Variants in GAK observed in about 807,000 individuals in gnomAD.
The protein encoded by GAK is cyclin-G-associated kinase.
Under a neutral mutation model 143.9 loss-of-function variants are expected in GAK, and 79 were observed. That is an observed-to-expected ratio of 0.55 (90% CI 0.46 to 0.66). The LOEUF is 0.66. Among genes scored for constraint, GAK ranks in the 30% least tolerant of loss-of-function variants. GAK has a pLI of 0.00. For missense variants in GAK, 1,693 were observed against 1,779.7 expected (o/e 0.95, Z 0.88); for synonymous variants, 881 against 765.5 (o/e 1.15, Z -2.49).
At chr4:886,623 T>C (rs1716388684) in intron 11 of GAK, 1 of 152,272 alleles carries the variant, frequency 6.6e-6, no homozygotes, top group Admixed American at 6.5e-5. Flanking sequence ...ATCCTCTCTG[T>C]CTTGTTTCCA....
intron 5 of GAK, among the ~76,000 whole-genome samples, chr4:902,248 A>AAAAC (rs1560400515): frequency 6.6e-6 from 1 of 151,600 alleles, no homozygotes; most frequent in Non-Finnish European, 1.5e-5. Context: ...AAAAAAAAAA[A>AAAAC]AAACAGAAAT....
chr4:879,424 C>A (rs752248001), intron 15 of GAK, among the ~76,000 whole-genome samples: 2 of 152,132 alleles, frequency 1.3e-5, no homozygotes, highest in African/African-American at 2.4e-5. Flanking sequence ...TTCTTCTTTT[C>A]GCCTTCTCTT....
intron 1 of GAK, among the ~76,000 whole-genome samples, chr4:925,375 A>C (rs112926789): frequency 2.6e-5 from 4 of 152,204 alleles, no homozygotes; most frequent in Non-Finnish European, 5.9e-5. Flanking sequence ...GGATGCGTGT[A>C]GGATGCACGG....
At position 877,119 on chromosome 4, in the gene GAK, A is replaced by T. The variant is rs1714092556; in HGVS notation, c.1945T>A (p.Ser649Thr). ...GCCTGCAGCCGGCCGCCCAGAGTGG[A>T]CCGGGCGTGATAGATGACGATGAGC... ...DVLIVIYHAR[S>T]TLGGRLQAKM... Residue 649 changes from serine to threonine, a missense_variant, in exon 17 of 28, where the codon TCC (serine) becomes ACC (threonine). By Grantham distance (58) the Ser-to-Thr change is moderately conservative. Coordinates refer to ENST00000314167, the MANE Select transcript of GAK (RefSeq NM_005255.4). 6 of 1,613,156 alleles carry T rather than the reference A, an allele frequency of 3.7e-6. No homozygotes were observed. The highest frequency in any genetic ancestry group is 1.3e-5 in the African/African-American group (1 of 75,014).
intron 5 of GAK, among the ~76,000 whole-genome samples, chr4:901,417 C>T (rs562780724): frequency 6.6e-6 from 1 of 152,196 alleles, no homozygotes; most frequent in African/African-American, 2.4e-5. Context: ...TTGGATCCCC[C>T]ACCTAGGGCA....
intron 1 of GAK, among the ~76,000 whole-genome samples, chr4:929,316 G>A (rs1168752844): frequency 6.6e-6 from 1 of 152,226 alleles, no homozygotes; most frequent in Non-Finnish European, 1.5e-5. Flanking sequence ...CACGAGGCGG[G>A]TTACGCTTAA....
At chr4:909,719 G>GA (rs1271424768) in intron 4 of GAK, among the ~76,000 whole-genome samples, 1 of 152,228 alleles carries the variant, frequency 6.6e-6, no homozygotes, top group Non-Finnish European at 1.5e-5. Context: ...TTAGAATGGA[G>GA]AGAGGGAAAG....
At chr4:858,649 G>A (rs1026619970) in intron 24 of GAK, among the ~76,000 whole-genome samples, 3 of 152,186 alleles carry the variant, frequency 2.0e-5, no homozygotes, top group Non-Finnish European at 4.4e-5. Flanking sequence ...ATTCAAAGAC[G>A]AAAAAACTCT....
At position 850,641 on chromosome 4, in the gene GAK, C is replaced by T. The variant is rs915128455; in HGVS notation, c.3657+295G>A. On this transcript the variant is annotated intron_variant, in intron 26 of 27. Coordinates refer to ENST00000314167, the MANE Select transcript of GAK (RefSeq NM_005255.4). The stretch of plus-strand genomic sequence containing the variant: ...CCGGGGCACTCACTCCTGTAACGCC[C>T]GCCCACCCCACCCCCACCAGCGCTG... The T allele has an allele frequency of 9.6e-5, 14 of 145,848 alleles. 1 individual carries two copies. The East Asian group carries it at 1.4e-3, about 15-fold the overall frequency. The allele number at this position is 145,848 out of a possible 1,614,324, so 9.0% of individuals were successfully genotyped here.
chr4:921,426 C>T (rs535514253), intron 1 of GAK, among the ~76,000 whole-genome samples: 4 of 152,184 alleles, frequency 2.6e-5, no homozygotes, highest in Admixed American at 6.5e-5. Context: ...GGCACAGAAG[C>T]AACTCCATGG....
At chr4:900,729 A>G (rs113938421) in intron 5 of GAK, among the ~76,000 whole-genome samples, 2,136 of 152,228 alleles carry the variant, frequency 0.014, 62 homozygotes, top group African/African-American at 0.047. Context: ...CTTGCTTGCA[A>G]CCTTGAAGAA....
chr4:884,033 A>T lies in GAK; in HGVS notation c.1255+4T>A, dbSNP rs1206633834. On this transcript the variant is annotated splice_donor_region_variant and intron_variant, in intron 12 of 27. Coordinates refer to ENST00000314167, the MANE Select transcript of GAK (RefSeq NM_005255.4). ...CGTCCCACAGCCTCATGTGGCACGC[A>T]TACCTGCAATTCTGGATGTGATGTA... 1 of 1,613,476 alleles carries T rather than the reference A, an allele frequency of 6.2e-7. No homozygotes were observed. The highest frequency in any genetic ancestry group is 8.5e-7 in the Non-Finnish European group (1 of 1,179,696).
chr4:867,037 T>C lies in GAK; in HGVS notation c.2791A>G (p.Ser931Gly). Residue 931 changes from serine (S) to glycine (G), a missense_variant, in exon 21 of 28, where the codon AGC (serine) becomes GGC (glycine). Transcript: ENST00000314167. ...CTTGCCAGGAGCAGCGGGTCCTCGCTGAGCAGATCCTCCGGGGGCCCCTGG... is the reference window on the plus strand; with the variant it reads ...CTTGCCAGGAGCAGCGGGTCCTCGCCGAGCAGATCCTCCGGGGGCCCCTGG... ...ASQGPPEDLL[S>G]EDPLLLASPA... is the part of the protein sequence containing the mutation. 1 of 1,515,890 alleles carries C rather than the reference T, an allele frequency of 6.6e-7. No homozygotes were observed. Among genetic ancestry groups the C allele is most frequent in the Non-Finnish European group, 8.8e-7 (1 of 1,132,632 alleles). The allele number at this position is 1,515,890 out of a possible 1,614,324, so 93.9% of individuals were successfully genotyped here. A position where few individuals can be genotyped will look rare whatever the true frequency, so the allele number is the denominator to read the frequency against.
At chr4:883,247 C>G in intron 13 of GAK, 68 bp downstream of exon 13, 1 of 1,570,200 alleles carries the variant, frequency 6.4e-7, no homozygotes. Context: ...AAGCCCTCAG[C>G]TATGCCCCTG....
intron 5 of GAK, among the ~76,000 whole-genome samples, chr4:901,110 T>C (rs892467063): frequency 4.6e-5 from 7 of 152,170 alleles, no homozygotes; most frequent in African/African-American, 9.7e-5. Context: ...TACAGCCAAG[T>C]AGAGAAAAGG....
intron 24 of GAK, chr4:852,370 C>T (rs1409986065): frequency 1.1e-5 from 3 of 269,054 alleles, no homozygotes; most frequent in Non-Finnish European, 2.1e-5. Context: ...ACGTCTGTAG[C>T]GTCCTAGAGG....
At chr4:912,090 G>T in intron 3 of GAK, 1 of 470,988 alleles carries the variant, frequency 2.1e-6, no homozygotes, top group South Asian at 1.5e-5. Flanking sequence ...GGCCCTCAGG[G>T]GGCTGTGCGC....
intron 7 of GAK, among the ~76,000 whole-genome samples, chr4:896,194 C>A (rs746531704): frequency 1.3e-5 from 2 of 152,112 alleles, no homozygotes; most frequent in Non-Finnish European, 2.9e-5. Flanking sequence ...AGCCCAGGGG[C>A]GGGAGGCTGC....
chr4:877,491 C>T, intron 16 of GAK, 124 bp downstream of exon 16: 1 of 1,019,090 alleles, frequency 9.8e-7, no homozygotes, highest in Non-Finnish European at 1.4e-6. Flanking sequence ...GCCACAGACG[C>T]CACAGTTCCA....
Sources: gnomAD v4.1 joint callset for allele counts (sites outside exome capture counted in the v4.1 genomes callset) on GRCh38, gnomAD v4.1.1 for gene constraint, MANE v1.5 for transcripts, NCBI Gene and HGNC (gene_info 2026-07-23, HGNC 2026-07-21) for gene names.